WRN: variants seen among roughly 807,000 people sequenced by gnomAD.
WRN encodes the protein bifunctional 3'-5' exonuclease/ATP-dependent helicase WRN.
A neutral mutation model predicts 180.7 loss-of-function variants in WRN; 149 were observed. The observed-to-expected ratio is 0.82, with a 90% CI of 0.72 to 0.94. WRN has a LOEUF of 0.94. WRN is among the 40% of genes least tolerant of loss of function. The pLI, the probability that WRN is intolerant of heterozygous loss-of-function variation, is 0.00. For synonymous variants in WRN, 548 were observed against 568.9 expected (o/e 0.96, Z 0.52); for missense variants, 1,661 against 1,700.1 (o/e 0.98, Z 0.40).
intron 24 of WRN, among the ~76,000 whole-genome samples, chr8:31,139,179 T>G (rs1802511177): frequency 1.3e-5 from 2 of 152,162 alleles, no homozygotes; most frequent in African/African-American, 4.8e-5. Flanking sequence ...AATAAAACCA[T>G]TACGTTTGTA....
chr8:31,110,248 C>T (rs1801253964), intron 18 of WRN, among the ~76,000 whole-genome samples: 1 of 152,144 alleles, frequency 6.6e-6, no homozygotes, highest in South Asian at 2.1e-4. Context: ...AAACCAACCT[C>T]TTTATAGATT....
At chr8:31,132,901 TTTAG>T (rs1411649197) in intron 24 of WRN, among the ~76,000 whole-genome samples, 3 of 152,356 alleles carry the variant, frequency 2.0e-5, no homozygotes, top group African/African-American at 7.2e-5. Flanking sequence ...CAAGGAAAAC[TTTAG>T]TTATAGGGAT....
chr8:31,061,796 G>A (rs980529798), intron 3 of WRN, among the ~76,000 whole-genome samples: 1 of 152,104 alleles, frequency 6.6e-6, no homozygotes, highest in African/African-American at 2.4e-5. Flanking sequence ...TTTTCAGAAC[G>A]TTAATGCCTC....
At position 31,050,808 on chromosome 8, in the gene WRN, C is replaced by G. The variant is rs1812051957; in HGVS notation, c.-76-7564C>G. 2.0e-5 allele frequency among the ~76,000 whole-genome samples: 3 copies of G among 151,932 alleles called. 1 individual carries two copies. In the South Asian group the frequency reaches 6.2e-4, roughly 32 times the overall value. ...TTATTACTTAAGTATTGCAACTGTT[C>G]TTTTAGGATATTTTGTTTGCAAATT... On this transcript the variant is annotated intron_variant, in intron 1 of 34. Transcript: ENST00000298139.
intron 27 of WRN, among the ~76,000 whole-genome samples, 199 bp downstream of exon 27, chr8:31,142,900 A>G (rs535368871): frequency 6.6e-6 from 1 of 152,240 alleles, no homozygotes; most frequent in Admixed American, 6.5e-5. Flanking sequence ...AATTGGAGGT[A>G]TTTGAGAAAG....
intron 1 of WRN, among the ~76,000 whole-genome samples, chr8:31,035,715 C>T (rs1445422879): frequency 6.6e-6 from 1 of 152,126 alleles, no homozygotes; most frequent in Admixed American, 6.5e-5. Flanking sequence ...CAATTCCACT[C>T]AGAATTCTTT....
At chr8:31,160,620 A>G (rs1803574044) in intron 33 of WRN, among the ~76,000 whole-genome samples, 1 of 152,166 alleles carries the variant, frequency 6.6e-6, no homozygotes, top group Non-Finnish European at 1.5e-5. Flanking sequence ...TTAGAAATGT[A>G]TTGTCTCTCA....
chr8:31,168,700 G>A (rs1395405855), intron 34 of WRN, among the ~76,000 whole-genome samples: 1 of 152,190 alleles, frequency 6.6e-6, no homozygotes, highest in African/African-American at 2.4e-5. Flanking sequence ...GCTGATTTCT[G>A]TAGAGTGTTG....
At chr8:31,145,853 A>G (rs1390005044) in intron 28 of WRN, among the ~76,000 whole-genome samples, 1 of 152,166 alleles carries the variant, frequency 6.6e-6, no homozygotes, top group Non-Finnish European at 1.5e-5. Flanking sequence ...GAGTTTAGTG[A>G]TAGACATACT....
At chr8:31,059,726 A>G (rs1370710615) in intron 3 of WRN, among the ~76,000 whole-genome samples, 1 of 152,174 alleles carries the variant, frequency 6.6e-6, no homozygotes, top group Non-Finnish European at 1.5e-5. Context: ...TGTAATTAGT[A>G]ACAGTTGTAG....
At chr8:31,125,608 T>A (rs1161859439) in intron 23 of WRN, among the ~76,000 whole-genome samples, 2 of 128,340 alleles carry the variant, frequency 1.6e-5, no homozygotes, top group Non-Finnish European at 3.2e-5. Context: ...GAGAGAGGGA[T>A]GAGGCGACTG....
chr8:31,038,233 C>G (rs1448880406), intron 1 of WRN, among the ~76,000 whole-genome samples: 1 of 152,142 alleles, frequency 6.6e-6, no homozygotes, highest in East Asian at 1.9e-4. Flanking sequence ...CTCACCAAAA[C>G]TTAATTTCCT....
intron 23 of WRN, among the ~76,000 whole-genome samples, chr8:31,126,943 C>A (rs1801951858): frequency 6.6e-6 from 1 of 152,154 alleles, no homozygotes; most frequent in African/African-American, 2.4e-5. Context: ...TAAGGGAACA[C>A]TATGAACAAC....
At position 31,147,112 on chromosome 8, in the gene WRN, AAGAGCAGG is replaced by A; in HGVS notation, c.3447_3454del (p.Glu1149AspfsTer13). The A allele has an allele frequency of 1.2e-6, 2 of 1,613,948 alleles. No individual in the cohort carries two copies. Among genetic ancestry groups the A allele is most frequent in the Non-Finnish European group, 1.7e-6 (2 of 1,179,882 alleles). Reference sequence around the variant, plus strand: ...TCCTCACAGCCTGTTATTTCGGCACAAGAGCAGGAGACTCAGGTAAGGCTTTTGTAAAA... The same window carrying A: ...TCCTCACAGCCTGTTATTTCGGCACAAGACTCAGGTAAGGCTTTTGTAAAA... On this transcript the variant is annotated frameshift_variant, in exon 29 of 35. Coordinates refer to ENST00000298139, the MANE Select transcript of WRN (RefSeq NM_000553.6). LOFTEE classifies it high-confidence loss of function.
chr8:31,067,103 A>G lies in WRN; in HGVS notation c.575A>G (p.Asp192Gly), dbSNP rs760829035. Reference protein sequence around the residue: ...KHLLGKQLLKDKSIRCSNWSK... With the variant: ...KHLLGKQLLKGKSIRCSNWSK... Reference sequence around the variant, plus strand: ...CTCTTAGGTAAACAGCTCCTGAAAGACAAGTCTATCCGCTGTAGCAATTGG... The same window carrying G: ...CTCTTAGGTAAACAGCTCCTGAAAGGCAAGTCTATCCGCTGTAGCAATTGG... The change falls in exon 6 of 35, where the codon GAC (aspartate) becomes GGC (glycine). Residue 192 changes from aspartate to glycine, a missense_variant. Transcript: ENST00000298139. The G allele has an allele frequency of 1.9e-6, 3 of 1,614,032 alleles. No individual in the cohort carries two copies. The highest frequency in any genetic ancestry group is 3.3e-5 in the Admixed American group (2 of 60,032).
At chr8:31,127,519 G>A (rs1563367498) in intron 23 of WRN, among the ~76,000 whole-genome samples, 1 of 146,074 alleles carries the variant, frequency 6.8e-6, no homozygotes, top group East Asian at 2.0e-4. Flanking sequence ...TATTAGGGAT[G>A]GAGTTGTTCT....
intron 18 of WRN, among the ~76,000 whole-genome samples, chr8:31,105,677 C>T (rs1042829777): frequency 6.6e-6 from 1 of 152,134 alleles, no homozygotes; most frequent in African/African-American, 2.4e-5. Context: ...CCAGGCTGGT[C>T]TCGAACTCCT....
At chr8:31,074,499 A>G (rs1336924594) in intron 7 of WRN, among the ~76,000 whole-genome samples, 1 of 152,158 alleles carries the variant, frequency 6.6e-6, no homozygotes, top group East Asian at 1.9e-4. Flanking sequence ...AGGTGTTAGA[A>G]GTTCACAAAG....
Position 31,147,051 on chromosome 8 carries a change from A to G in WRN, c.3384-2A>G, listed in dbSNP as rs372382340. The stretch of plus-strand genomic sequence containing the variant: ...TTATTTATTTTCTTTTAAATATTTT[A>G]GTATCATGGTACAGTCACCAGAAAA... On this transcript the variant is annotated splice_acceptor_variant, in intron 28 of 34. Transcript: ENST00000298139. LOFTEE classifies it high-confidence loss of function. The G allele has an allele frequency of 2.5e-6, 4 of 1,608,438 alleles. No individual in the cohort carries two copies. Among genetic ancestry groups the G allele is most frequent in the African/African-American group, 1.3e-5 (1 of 74,804 alleles).
Sources: allele counts gnomAD v4.1 joint callset (sites outside exome capture counted in the v4.1 genomes callset), GRCh38; gene constraint gnomAD v4.1.1; transcripts MANE v1.5; gene names NCBI Gene and HGNC (gene_info 2026-07-23, HGNC 2026-07-21).